Variants in PDE7A observed in about 807,000 individuals in gnomAD.
PDE7A encodes high affinity 3',5'-cyclic-AMP phosphodiesterase 7A.
A neutral mutation model predicts 64.3 loss-of-function variants in PDE7A; 39 were observed. The ratio of observed to expected loss-of-function variants is 0.61; its 90% CI spans 0.47 to 0.79. The LOEUF is 0.79. PDE7A is among the 30% of genes least tolerant of loss of function. The pLI, the probability that PDE7A is intolerant of heterozygous loss-of-function variation, is 0.00. For missense variants in PDE7A, 470 were observed against 582.8 expected (o/e 0.81, Z 1.99); for synonymous variants, 203 against 206.8 (o/e 0.98, Z 0.16).
intron 1 of PDE7A, among the ~76,000 whole-genome samples, chr8:65,825,006 T>C (rs1810635226): frequency 6.6e-6 from 1 of 152,180 alleles, no homozygotes; most frequent in Non-Finnish European, 1.5e-5. Context: ...GAAATATAAA[T>C]TGGCATCATC....
intron 1 of PDE7A, among the ~76,000 whole-genome samples, chr8:65,833,958 AAC>A (rs1160421206): frequency 2.0e-5 from 3 of 152,142 alleles, no homozygotes; most frequent in African/African-American, 7.2e-5. Flanking sequence ...CTCAAACAAA[AAC>A]AAAACAAAAC....
intron 1 of PDE7A, among the ~76,000 whole-genome samples, chr8:65,824,697 A>T (rs980012992): frequency 2.6e-5 from 4 of 152,252 alleles, no homozygotes; most frequent in African/African-American, 9.6e-5. Flanking sequence ...AAGGCTCAGA[A>T]GACTGTTAGC....
intron 1 of PDE7A, among the ~76,000 whole-genome samples, chr8:65,826,261 C>T (rs958348089): frequency 2.0e-5 from 3 of 152,192 alleles, no homozygotes; most frequent in African/African-American, 2.4e-5. Flanking sequence ...AATCTTACTG[C>T]ATCTTAAAAA....
In PDE7A at chr8:65,779,897, A is replaced by G. The variant is rs1370451241; in HGVS notation, c.200-94T>C. On this transcript the variant is annotated intron_variant, in intron 2 of 12. Transcript: ENST00000401827. Reference sequence around the variant, plus strand: ...CAAAGGTCCGTGTGGTATCATATTCATAAGTAACAGCCCACTGATCATATA... The same window carrying G: ...CAAAGGTCCGTGTGGTATCATATTCGTAAGTAACAGCCCACTGATCATATA... The G allele has an allele frequency of 3.8e-5, 25 of 663,250 alleles. No individual in the cohort carries two copies. The East Asian group carries it at 6.2e-4, about 16-fold the overall frequency. 41.1% of individuals were successfully genotyped at this position (663,250 alleles called of 1,614,324 possible). A position where few individuals can be genotyped will look rare whatever the true frequency, so the allele number is the denominator to read the frequency against.
intron 3 of PDE7A, among the ~76,000 whole-genome samples, chr8:65,748,733 A>C (rs932171648): frequency 6.6e-6 from 1 of 152,030 alleles, no homozygotes; most frequent in African/African-American, 2.4e-5. Flanking sequence ...TCCTCTATTA[A>C]CCTCTAGCCC....
At chr8:65,839,976 G>C (rs1367006218) in intron 1 of PDE7A, among the ~76,000 whole-genome samples, 1 of 152,124 alleles carries the variant, frequency 6.6e-6, no homozygotes, top group African/African-American at 2.4e-5. Flanking sequence ...CTGCTGATCT[G>C]AGGAAGTAAA....
At chr8:65,784,824 T>TA (rs985108381) in intron 1 of PDE7A, among the ~76,000 whole-genome samples, 16 of 151,692 alleles carry the variant, frequency 1.1e-4, no homozygotes, top group Non-Finnish European at 1.8e-4. Context: ...TTCACAAGGT[T>TA]AAAAAAAATA....
chr8:65,804,647 C>G (rs1432839617), intron 1 of PDE7A, among the ~76,000 whole-genome samples: 2 of 148,908 alleles, frequency 1.3e-5, no homozygotes, highest in Non-Finnish European at 3.0e-5. Context: ...AAGCTATTAT[C>G]CTGCCTCAGC....
intron 6 of PDE7A, 74 bp from the exon 7 acceptor site, chr8:65,734,968 T>C: frequency 1.1e-6 from 1 of 934,214 alleles, no homozygotes; most frequent in African/African-American, 1.6e-5. Flanking sequence ...GTGATAATTA[T>C]GAGTTACCCA....
At chr8:65,838,285 A>AT (rs1014116544) in intron 1 of PDE7A, among the ~76,000 whole-genome samples, 3 of 152,058 alleles carry the variant, frequency 2.0e-5, no homozygotes, top group Non-Finnish European at 4.4e-5. Flanking sequence ...CCTTCACAAT[A>AT]TTTTTTTTCC....
intron 3 of PDE7A, among the ~76,000 whole-genome samples, chr8:65,749,806 G>A (rs1335357317): frequency 6.6e-6 from 1 of 152,122 alleles, no homozygotes; most frequent in Non-Finnish European, 1.5e-5. Flanking sequence ...ACTCACAAGG[G>A]TTTTTAAATT....
rs923789219 is a variant in PDE7A, at chr8:65,727,204, A to G, written c.794T>C (p.Ile265Thr). The change falls in exon 8 of 13, where the codon ATT becomes ACT. Residue 265 changes from isoleucine to threonine, a missense_variant. Physicochemically the swap from Ile to Thr is moderately conservative, Grantham distance 89 (BLOSUM62 -1). Transcript: ENST00000401827. ...DHPGVNQPFL[I>T]KTNHYLATLY... ...AGTTGCCAAGTAATGGTTAGTTTTA[A>G]TAAGGAAAGGTTGATTAACACCTGG... The G allele has an allele frequency of 5.0e-6, 8 of 1,612,826 alleles. No individual in the cohort carries two copies. The highest frequency in any genetic ancestry group is 6.8e-6 in the Non-Finnish European group (8 of 1,178,900).
intron 2 of PDE7A, among the ~76,000 whole-genome samples, chr8:65,782,056 C>A (rs1809433880): frequency 6.6e-6 from 1 of 152,028 alleles, no homozygotes; most frequent in Admixed American, 6.6e-5. Flanking sequence ...AAGAAGAAAA[C>A]AAAAGTAGGT....
At chr8:65,731,004 A>G (rs1806862220) in intron 7 of PDE7A, among the ~76,000 whole-genome samples, 1 of 152,186 alleles carries the variant, frequency 6.6e-6, no homozygotes, top group Non-Finnish European at 1.5e-5. Context: ...CCCATATACA[A>G]TATCATTCAT....
intron 2 of PDE7A, among the ~76,000 whole-genome samples, chr8:65,780,570 A>C (rs955277144): frequency 6.6e-6 from 1 of 152,132 alleles, no homozygotes; most frequent in East Asian, 1.9e-4. Flanking sequence ...TACAGGCATT[A>C]TTTTATTTTC....
intron 3 of PDE7A, among the ~76,000 whole-genome samples, chr8:65,752,201 TA>T (rs1034150018): frequency 3.9e-5 from 6 of 152,218 alleles, no homozygotes; most frequent in Admixed American, 3.3e-4. Flanking sequence ...TACCAGAGCA[TA>T]TTTTTTTCCT....
At position 65,730,577 on chromosome 8, in the gene PDE7A, C is replaced by T. The variant is rs117094893; in HGVS notation, c.697-3276G>A. On this transcript the variant is annotated intron_variant, in intron 7 of 12. Coordinates refer to ENST00000401827, the MANE Select transcript of PDE7A (RefSeq NM_001242318.3). ...CCCCATCCAAGGAAATATTGTCTTC[C>T]GTGAAACTGGTCCCTGATGCCAAAA... is the stretch of plus-strand genomic sequence containing the variant. Among the ~76,000 whole-genome samples the T allele has an allele frequency of 6.0e-3, 906 of 152,210 alleles. 2 individuals carry two copies. Among genetic ancestry groups the T allele is most frequent in the South Asian group, 0.021 (100 of 4,814 alleles).
intron 1 of PDE7A, among the ~76,000 whole-genome samples, chr8:65,802,001 T>C (rs1050377385): frequency 3.3e-5 from 5 of 152,210 alleles, no homozygotes; most frequent in African/African-American, 1.2e-4. Flanking sequence ...ATAACTTAAT[T>C]TGCATTGAAG....
intron 7 of PDE7A, among the ~76,000 whole-genome samples, chr8:65,731,152 T>C (rs571484403): frequency 1.4e-4 from 22 of 152,310 alleles, no homozygotes; most frequent in African/African-American, 4.8e-4. Context: ...GGTTCCCATA[T>C]GTTTTACAAG....
Sources: gnomAD v4.1 joint callset for allele counts (sites outside exome capture counted in the v4.1 genomes callset) on GRCh38, gnomAD v4.1.1 for gene constraint, MANE v1.5 for transcripts, NCBI Gene and HGNC (gene_info 2026-07-23, HGNC 2026-07-21) for gene names.